Variants in SORL1 observed in about 807,000 individuals in gnomAD.
The protein encoded by SORL1 is sortilin-related receptor.
In SORL1, 127 loss-of-function variants were observed where a neutral mutation model predicts 273.7. The ratio of observed to expected loss-of-function variants is 0.46; its 90% CI spans 0.40 to 0.54. SORL1 has a LOEUF of 0.54. SORL1 is among the 20% of genes least tolerant of loss of function. SORL1 has a pLI of 0.00. For missense variants in SORL1, 2,494 were observed against 2,846.1 expected (o/e 0.88, Z 2.81); for synonymous variants, 1,031 against 1,067.4 (o/e 0.97, Z 0.66).
intron 46 of SORL1, among the ~76,000 whole-genome samples, chr11:121,625,504 A>G (rs1474926348): frequency 1.3e-5 from 2 of 152,250 alleles, no homozygotes; most frequent in African/African-American, 4.8e-5. Context: ...GATTCTGAAC[A>G]TAAAGTGCAA....
At chr11:121,526,949 C>A (rs1271665783) in intron 11 of SORL1, among the ~76,000 whole-genome samples, 2 of 151,770 alleles carry the variant, frequency 1.3e-5, no homozygotes, top group Non-Finnish European at 2.9e-5. Context: ...TTTTTCTCTT[C>A]TTTCTTGTCC....
rs777942763 is a variant in SORL1 at position 121,555,868 on chromosome 11, T to G, written c.2571+550T>G. ...GATGAGTGACCTCTAAACTGCCAAA[T>G]CTTTGTCTGGGGGAATGTAGTGTGC... On this transcript the variant is annotated intron_variant, in intron 18 of 47. Coordinates refer to ENST00000260197, the MANE Select transcript of SORL1 (RefSeq NM_003105.6). Among the ~76,000 whole-genome samples the G allele has an allele frequency of 1.2e-4, 18 of 151,636 alleles. 1 individual carries two copies. The highest frequency in any genetic ancestry group is 2.1e-4 in the Non-Finnish European group (14 of 67,968).
intron 12 of SORL1, among the ~76,000 whole-genome samples, chr11:121,535,826 G>A (rs1862259154): frequency 6.6e-6 from 1 of 152,078 alleles, no homozygotes; most frequent in African/African-American, 2.4e-5. Context: ...GAAATTGAGA[G>A]CAAGAAGTGG....
At chr11:121,538,111 A>G (rs1862292811) in intron 12 of SORL1, among the ~76,000 whole-genome samples, 1 of 151,398 alleles carries the variant, frequency 6.6e-6, no homozygotes, top group South Asian at 2.1e-4. Flanking sequence ...GATTCTGAAC[A>G]CTCTGTATCT....
intron 29 of SORL1, among the ~76,000 whole-genome samples, chr11:121,589,754 T>G (rs1863181438): frequency 6.6e-6 from 1 of 152,256 alleles, no homozygotes; most frequent in Admixed American, 6.5e-5. Flanking sequence ...CAATAGTTGT[T>G]TTATTCCTTT....
chr11:121,612,715 A>G (rs781583390), intron 39 of SORL1, 21 bp from the exon 40 acceptor site: 21 of 1,594,516 alleles, frequency 1.3e-5, no homozygotes, highest in Non-Finnish European at 1.5e-5. Context: ...TTCATCTAAC[A>G]TGCTTCTTGG....
At chr11:121,468,252 G>T (rs1410936645) in intron 1 of SORL1, among the ~76,000 whole-genome samples, 1 of 152,172 alleles carries the variant, frequency 6.6e-6, no homozygotes, top group African/African-American at 2.4e-5. Flanking sequence ...GGGTGGGGTG[G>T]ACTGTGCGGG....
intron 12 of SORL1, 108 bp downstream of exon 12, chr11:121,532,660 A>T: frequency 1.1e-6 from 1 of 886,558 alleles, no homozygotes; most frequent in Non-Finnish European, 1.8e-6. Flanking sequence ...TGACAGCACA[A>T]TTTGTGATCT....
intron 37 of SORL1, 140 bp downstream of exon 37, chr11:121,607,430 C>A (rs543061305): frequency 6.0e-6 from 3 of 501,442 alleles, no homozygotes; most frequent in East Asian, 3.0e-5. Context: ...TGCCCTGGGA[C>A]GGGGGAGCTC....
At chr11:121,620,415 G>GATTTTTTT (rs1250127689) in intron 43 of SORL1, among the ~76,000 whole-genome samples, 15 of 152,108 alleles carry the variant, frequency 9.9e-5, no homozygotes, top group Non-Finnish European at 2.1e-4. Flanking sequence ...TCTTTAAAAG[G>GATTTTTTT]AGCATTGATC....
chr11:121,466,551 C>T (rs544454734), intron 1 of SORL1, among the ~76,000 whole-genome samples: 34 of 152,212 alleles, frequency 2.2e-4, no homozygotes, highest in Non-Finnish European at 2.5e-4. Flanking sequence ...TCTTTTCTTT[C>T]CCCTGGGGGT....
intron 30 of SORL1, 47 bp downstream of exon 30, chr11:121,590,221 C>G: frequency 6.3e-7 from 1 of 1,575,036 alleles, no homozygotes; most frequent in South Asian, 1.2e-5. Flanking sequence ...CAAGACACAC[C>G]AGAATAGTTC....
At chr11:121,611,294 T>TA in intron 39 of SORL1, 136 bp downstream of exon 39, 1 of 606,980 alleles carries the variant, frequency 1.6e-6, no homozygotes, top group Non-Finnish European at 2.9e-6. Context: ...CTAGTGAAGC[T>TA]AAAATACCAG....
chr11:121,478,039 A>T (rs1344753113), intron 2 of SORL1, 79 bp from the exon 3 acceptor site: 2 of 1,187,260 alleles, frequency 1.7e-6, no homozygotes, highest in Non-Finnish European at 2.3e-6. Flanking sequence ...TCTCAAAAAA[A>T]AAAAAAAAAA....
In SORL1 at chr11:121,550,513, A is replaced by G. The variant is rs1591322764; in HGVS notation, c.2181-72A>G. On this transcript the variant is annotated intron_variant, in intron 15 of 47. Coordinates refer to ENST00000260197, the MANE Select transcript of SORL1 (RefSeq NM_003105.6). This position sits in a 1 kb window ranked among gnomAD's most constrained non-coding sequence, Gnocchi z 5.3. ...TCTACTGGCCGTGGGTAGTAAGTGT[A>G]TTCCCAGCTGGGATGCCTTTGTGGC... 3.1e-6 allele frequency: 4 copies of G among 1,306,296 alleles called. No homozygotes were observed. The South Asian group carries it at 4.8e-5, about 16-fold the overall frequency. The allele number at this position is 1,306,296 out of a possible 1,614,324, so 80.9% of individuals were successfully genotyped here.
chr11:121,565,807 C>T (rs913304746), intron 21 of SORL1, among the ~76,000 whole-genome samples: 1 of 152,218 alleles, frequency 6.6e-6, no homozygotes, highest in African/African-American at 2.4e-5. Context: ...TTGCCATCCT[C>T]GTTCATCCAC....
chr11:121,471,625 T>C (rs1861170032), intron 2 of SORL1, among the ~76,000 whole-genome samples: 1 of 152,220 alleles, frequency 6.6e-6, no homozygotes, highest in Non-Finnish European at 1.5e-5. Context: ...GCCTTAAGGA[T>C]ACATTTATAA....
chr11:121,621,790 G>A (rs3824969), intron 44 of SORL1, among the ~76,000 whole-genome samples: 3,513 of 152,304 alleles, frequency 0.023, 211 homozygotes, highest in East Asian at 0.23. Context: ...TGCTGGTGGC[G>A]TGCAGTGGGC....
In SORL1 at chr11:121,621,140, T is replaced by C. The variant is rs149980303; in HGVS notation, c.5966T>C (p.Val1989Ala). Residue 1989 changes from valine to alanine, a missense_variant, in exon 44 of 48, where the codon GTG becomes GCG. By Grantham distance (64) the Val-to-Ala change is moderately conservative. Around this residue, in one of 3 missense-constraint regions of SORL1, gnomAD observed 1,609 missense variants for 1,816.4 expected, o/e 0.89. Coordinates refer to ENST00000260197, the MANE Select transcript of SORL1 (RefSeq NM_003105.6). ...SYKVKSRNST[V>A]EYTLNKLEPG... ...AAAGTAAAATCCCGTAACAGCACTG[T>C]GGAATACACCCTTAACAAGTTGGAG... 4.1e-5 allele frequency: 66 copies of C among 1,614,072 alleles called. No homozygotes were observed. In the African/African-American group the frequency reaches 8.4e-4, roughly 21 times the overall value.
Sources: allele counts gnomAD v4.1 joint callset (sites outside exome capture counted in the v4.1 genomes callset), GRCh38; gene constraint gnomAD v4.1.1; regional missense constraint gnomAD v4.1.1; non-coding constraint Gnocchi (gnomAD v3.1); transcripts MANE v1.5; gene names NCBI Gene and HGNC (gene_info 2026-07-23, HGNC 2026-07-21).